The following MYT1L variants were observed in gnomAD, a reference collection of about 807,000 sequenced individuals.
MYT1L encodes the protein myelin transcription factor 1-like protein.
Under a neutral mutation model 126.7 loss-of-function variants are expected in MYT1L, and 12 were observed. The ratio of observed to expected loss-of-function variants is 0.09; its 90% CI spans 0.06 to 0.15. The LOEUF is 0.15. MYT1L is among the 10% of genes least tolerant of loss of function. The probability of loss-of-function intolerance (pLI) is 1.00; values close to 1 mark genes in which losing one functional copy is unlikely to be tolerated. For synonymous variants in MYT1L, 541 were observed against 604.2 expected (o/e 0.90, Z 1.53); for missense variants, 979 against 1,585.2 (o/e 0.62, Z 6.49).
At chr2:1,797,687 C>T (rs188804847) in intron 23 of MYT1L, among the ~76,000 whole-genome samples, 63 of 152,378 alleles carry the variant, frequency 4.1e-4, no homozygotes, top group African/African-American at 1.5e-3. Context: ...TTGGAAACCT[C>T]ATCTTCTCAA....
chr2:2,219,269 G>T (rs565804798), intron 2 of MYT1L, among the ~76,000 whole-genome samples: 2 of 152,278 alleles, frequency 1.3e-5, no homozygotes, highest in South Asian at 4.1e-4. Context: ...GCTTAGTGTA[G>T]GGCCCAGGAT....
chr2:2,261,517 C>T (rs758482692), intron 2 of MYT1L, among the ~76,000 whole-genome samples: 4 of 152,204 alleles, frequency 2.6e-5, no homozygotes, highest in Non-Finnish European at 5.9e-5. Flanking sequence ...ACAGAATTAT[C>T]TTCCATTGCC....
chr2:1,823,610 C>T (rs1171590419), intron 21 of MYT1L, among the ~76,000 whole-genome samples: 3 of 150,448 alleles, frequency 2.0e-5, no homozygotes, highest in African/African-American at 7.3e-5. Context: ...CCTCAGCTGG[C>T]TGCATGTTCA....
chr2:1,802,748 G>C (rs1453077414), intron 22 of MYT1L, among the ~76,000 whole-genome samples: 3 of 152,230 alleles, frequency 2.0e-5, no homozygotes, highest in African/African-American at 7.2e-5. Context: ...AAGAGAAGGA[G>C]ATTCCTCTCT....
chr2:2,085,227 C>G (rs969317908), intron 3 of MYT1L, among the ~76,000 whole-genome samples: 1 of 152,186 alleles, frequency 6.6e-6, no homozygotes, highest in Admixed American at 6.5e-5. Context: ...TTATTCTGCA[C>G]ATGTGCTCAG....
chr2:1,982,252 T>C (rs1283987879), intron 5 of MYT1L, among the ~76,000 whole-genome samples: 1 of 152,184 alleles, frequency 6.6e-6, no homozygotes, highest in Non-Finnish European at 1.5e-5. Flanking sequence ...CGGGGTCCCC[T>C]GCCCTTGTCA....
At chr2:2,020,983 G>A (rs972748407) in intron 4 of MYT1L, among the ~76,000 whole-genome samples, 22 of 152,230 alleles carry the variant, frequency 1.4e-4, no homozygotes, top group African/African-American at 5.1e-4. Flanking sequence ...AGAAGGCTGT[G>A]AACTGCACAG....
intron 2 of MYT1L, among the ~76,000 whole-genome samples, chr2:2,261,554 G>A (rs1261240834): frequency 6.6e-6 from 1 of 152,150 alleles, no homozygotes; most frequent in Non-Finnish European, 1.5e-5. Flanking sequence ...TATCAATAGG[G>A]AGTTGGCAGG....
chr2:2,255,729 A>G (rs1348781757), intron 2 of MYT1L, among the ~76,000 whole-genome samples: 2 of 152,170 alleles, frequency 1.3e-5, no homozygotes, highest in Non-Finnish European at 2.9e-5. Flanking sequence ...AGCCGTCTTC[A>G]TCCTCATCAC....
intron 23 of MYT1L, among the ~76,000 whole-genome samples, chr2:1,799,206 T>C (rs2034373251): frequency 6.6e-6 from 1 of 152,190 alleles, no homozygotes; most frequent in Admixed American, 6.5e-5. Context: ...CAGGTCCAAA[T>C]AGATGCTGTT....
chr2:2,239,891 T>G (rs941527136), intron 2 of MYT1L, among the ~76,000 whole-genome samples: 1 of 152,124 alleles, frequency 6.6e-6, no homozygotes, highest in Non-Finnish European at 1.5e-5. Context: ...TGCCCCCGGG[T>G]CCCCTTGCAC....
At chr2:1,904,279 G>T (rs767791615) in intron 13 of MYT1L, among the ~76,000 whole-genome samples, 3 of 152,144 alleles carry the variant, frequency 2.0e-5, no homozygotes, top group Non-Finnish European at 4.4e-5. Context: ...CCCCTCGACA[G>T]CTCCTCAGTC....
chr2:2,297,309 T>C (rs1393017150), intron 1 of MYT1L, among the ~76,000 whole-genome samples: 1 of 152,180 alleles, frequency 6.6e-6, no homozygotes, highest in Non-Finnish European at 1.5e-5. Context: ...CATCATGAAA[T>C]TGCATTTGAA....
chr2:2,178,674 A>C (rs2091092789), intron 2 of MYT1L, among the ~76,000 whole-genome samples: 1 of 152,174 alleles, frequency 6.6e-6, no homozygotes, highest in Non-Finnish European at 1.5e-5. Flanking sequence ...ACCCAGCAAG[A>C]AACACACTTG....
At chr2:2,212,179 G>T (rs996237488) in intron 2 of MYT1L, among the ~76,000 whole-genome samples, 1 of 152,112 alleles carries the variant, frequency 6.6e-6, no homozygotes, top group Admixed American at 6.6e-5. Flanking sequence ...AAATAGATTT[G>T]TATTTTTCTT....
chr2:2,323,457 A>G (rs1311383717), intron 1 of MYT1L, among the ~76,000 whole-genome samples: 3 of 152,228 alleles, frequency 2.0e-5, no homozygotes, highest in African/African-American at 7.2e-5. Flanking sequence ...AGGTCAGTTA[A>G]AATGAAAAAC....
At chr2:2,293,716 G>A (rs2095633026) in intron 1 of MYT1L, among the ~76,000 whole-genome samples, 1 of 152,174 alleles carries the variant, frequency 6.6e-6, no homozygotes, top group Admixed American at 6.5e-5. Flanking sequence ...CCTGCCCCTC[G>A]GCCTGGGGCA....
At chr2:1,923,616 T>C (rs1218352903) in intron 9 of MYT1L, among the ~76,000 whole-genome samples, 1 of 152,276 alleles carries the variant, frequency 6.6e-6, no homozygotes, top group Non-Finnish European at 1.5e-5. Context: ...ATCTATAGCC[T>C]CGCCAGATGT....
intron 4 of MYT1L, among the ~76,000 whole-genome samples, chr2:2,002,629 A>G (rs542570335): frequency 8.7e-4 from 132 of 152,292 alleles, no homozygotes; most frequent in Non-Finnish European, 1.7e-3. Context: ...GGGTAGGGTC[A>G]ATGTTTTTCA....
Sources: gnomAD v4.1 joint callset for allele counts (sites outside exome capture counted in the v4.1 genomes callset) on GRCh38, gnomAD v4.1.1 for gene constraint, MANE v1.5 for transcripts, NCBI Gene and HGNC (gene_info 2026-07-23, HGNC 2026-07-21) for gene names.